Variants in DPPA4 observed in about 807,000 individuals in gnomAD.
The protein encoded by DPPA4 is developmental pluripotency associated 4.
Under a neutral mutation model 33.7 loss-of-function variants are expected in DPPA4, and 22 were observed. The observed-to-expected ratio is 0.65, with a 90% confidence interval of 0.47 to 0.93. The LOEUF (loss-of-function observed/expected upper bound fraction) is 0.93, where lower values mean the gene tolerates loss of function less well. DPPA4 is among the 40% of genes least tolerant of loss of function. The probability of loss-of-function intolerance (pLI) is 0.00; values close to 1 mark genes in which losing one functional copy is unlikely to be tolerated. For missense variants in DPPA4, 340 were observed against 358.6 expected, an observed-to-expected ratio of 0.95 and a Z score of 0.42; for synonymous variants, 156 against 132.3, an observed-to-expected ratio of 1.18 and a Z score of -1.23.
At chr3:109,329,138 A>G in intron 5 of DPPA4, 50 bp from the exon 6 acceptor site, 1 of 1,539,260 alleles carries the variant, frequency 6.5e-7, no homozygotes, top group South Asian at 1.1e-5. Context: ...AGGATGACAT[A>G]CTGATGTAAG....
intron 2 of DPPA4, among the ~76,000 whole-genome samples, chr3:109,332,544 GGCATCGGAGGTT>G (rs1442076948): frequency 1.3e-5 from 2 of 152,098 alleles, no homozygotes. Flanking sequence ...TCCAGGTGGT[GGCATCGGAGGTT>G]GCACTTCCAT....
chr3:109,332,107 T>TGCC, intron 2 of DPPA4, 76 bp from the exon 3 acceptor site: 1 of 1,354,792 alleles, frequency 7.4e-7, no homozygotes. Context: ...AAAATCACTT[T>TGCC]TTTTTTCTTT....
chr3:109,331,884 C>T lies in DPPA4; in HGVS notation c.326G>A (p.Ser109Asn), dbSNP rs1708087652. The T allele has an allele frequency of 1.9e-6, 3 of 1,614,114 alleles. No individual in the cohort carries two copies. Among genetic ancestry groups the T allele is most frequent in the Non-Finnish European group, 2.5e-6 (3 of 1,180,022 alleles). The change falls in exon 3 of 7, where the codon AGC becomes AAC. Residue 109 changes from serine to asparagine, a missense_variant. By Grantham distance (46) the Ser-to-Asn change is conservative (BLOSUM62 1). Coordinates refer to ENST00000335658, the MANE Select transcript of DPPA4 (RefSeq NM_018189.4). ...CTGGGACCTCACCTGGCCTTTGGAG[C>T]TCAGCTTCAATTGTTGGCACCAGGC... ...LRAWCQQLKL[S>N]SKGQKLDAYK...
chr3:109,335,351 T>TC lies in DPPA4; in HGVS notation c.55-1359dup, dbSNP rs573319863. ...TGTCTCCCCCCACTGATCTCAATCT[T>TC]CTAGCCTCAAGCAATCTTCCCGCCT... On this transcript the variant is annotated intron_variant, in intron 1 of 6. Transcript: ENST00000335658. Among the ~76,000 whole-genome samples the TC allele has an allele frequency of 1.4e-4, 21 of 152,204 alleles. No individual in the cohort carries two copies. In the South Asian group the frequency reaches 2.7e-3, roughly 20 times the overall value.
chr3:109,337,579 G>T (rs1708241251), upstream of DPPA4: 1 of 1,478,014 alleles, frequency 6.8e-7, no homozygotes, highest in East Asian at 2.3e-5. Context: ...ACTTCCTGCC[G>T]CCCGAAGACC....
At chr3:109,332,566 T>G (rs1440393064) in intron 2 of DPPA4, among the ~76,000 whole-genome samples, 1 of 152,112 alleles carries the variant, frequency 6.6e-6, no homozygotes, top group Non-Finnish European at 1.5e-5. Flanking sequence ...TGCACTTCCA[T>G]CCCAGGGGAA....
At chr3:109,338,658 T>A (rs774729491), upstream of DPPA4, among the ~76,000 whole-genome samples, 2 of 152,100 alleles carry the variant, frequency 1.3e-5, no homozygotes, top group African/African-American at 4.8e-5. Flanking sequence ...AAAAAGTAAG[T>A]AAACGGAGCC....
chr3:109,337,607 A>G (rs963814463), upstream of DPPA4: 46 of 1,124,634 alleles, frequency 4.1e-5, 1 homozygote, highest in South Asian at 4.1e-4. Context: ...TCTCCACCTC[A>G]CCTCTTCTTT....
rs1423049756 is a variant in DPPA4 at position 109,337,470 on chromosome 3, G to A, written c.48C>T (p.Gly16=). The A allele has an allele frequency of 8.1e-6, 13 of 1,613,968 alleles. No homozygotes were observed. Among genetic ancestry groups the A allele is most frequent in the Non-Finnish European group, 1.0e-5 (12 of 1,179,906 alleles). Residue 16 remains glycine, a synonymous_variant, in exon 1 of 7, where the codon GGC becomes GGT. Transcript: ENST00000335658. ...CCACTAAAACTGTACTGACCTCCTT[G>A]CCTTTTGCCTTCTCCATACTTGTAG... ...ASSTSMEKAK[G]KEWTSTEKSR... is the part of the protein sequence containing the mutation.
intron 2 of DPPA4, chr3:109,332,253 C>A (rs569255378): frequency 3.2e-6 from 1 of 317,338 alleles, no homozygotes; most frequent in Admixed American, 4.4e-5. Context: ...AGACGCCCAC[C>A]ACCACGCCCG....
intron 1 of DPPA4, 105 bp from the exon 2 acceptor site, chr3:109,334,098 A>G: frequency 8.1e-7 from 1 of 1,239,382 alleles, no homozygotes; most frequent in Non-Finnish European, 1.1e-6. Flanking sequence ...CAGTTACTGG[A>G]CTCCACTGGC....
rs1707972441 is a variant in DPPA4, at chr3:109,327,888, G to A, written c.*100C>T. 5 of 873,240 alleles carry A rather than the reference G, an allele frequency of 5.7e-6. No individual in the cohort carries two copies. The Admixed American group carries it at 7.4e-5, about 13-fold the overall frequency. 54.1% of individuals were successfully genotyped at this position (873,240 alleles called of 1,614,324 possible). On this transcript the variant is annotated 3_prime_UTR_variant, in exon 7 of 7. Coordinates refer to ENST00000335658, the MANE Select transcript of DPPA4 (RefSeq NM_018189.4). ...ACCAGTCTGCATGGCCCATAAACAG[G>A]TGCAGAGGACCAGAGTTCACCTGTC...
At position 109,329,078 on chromosome 3, in the gene DPPA4, C is replaced by T. The variant is rs1206249053; in HGVS notation, c.690G>A (p.Trp230Ter). Reference sequence around the variant, plus strand: ...GGAGACTTTTCCCATGGACCACACACCACCTGACACCTGGCAATGGCAAAG... The same window carrying T: ...GGAGACTTTTCCCATGGACCACACATCACCTGACACCTGGCAATGGCAAAG... ...ESPQEASGVR[W>*]CVVHGKSLPA... is the part of the protein sequence containing the mutation. The change falls in exon 6 of 7, where the codon TGG becomes TGA. Residue 230 changes from tryptophan (W) to a stop codon, truncating the protein, a stop_gained. Coordinates refer to ENST00000335658, the MANE Select transcript of DPPA4 (RefSeq NM_018189.4). LOFTEE classifies it high-confidence loss of function. 2 of 1,614,064 alleles carry T rather than the reference C, an allele frequency of 1.2e-6. No individual in the cohort carries two copies. Among genetic ancestry groups the T allele is most frequent in the Non-Finnish European group, 1.7e-6 (2 of 1,180,014 alleles).
chr3:109,337,493 T>G lies in DPPA4; in HGVS notation c.25A>C (p.Thr9Pro). The change falls in exon 1 of 7, where the codon ACA (threonine) becomes CCA (proline). Residue 9 changes from threonine (T) to proline (P), a missense_variant. Transcript: ENST00000335658. ...TTGCCTTTTGCCTTCTCCATACTTGTAGAAGAAGCGGAGCCTCGCAACATG... is the reference window on the plus strand; with the variant it reads ...TTGCCTTTTGCCTTCTCCATACTTGGAGAAGAAGCGGAGCCTCGCAACATG... MLRGSASS[T>P]SMEKAKGKEW... 1.2e-6 allele frequency: 2 copies of G among 1,614,134 alleles called. No individual in the cohort carries two copies. Among genetic ancestry groups the G allele is most frequent in the South Asian group, 1.1e-5 (1 of 91,080 alleles).
At chr3:109,334,071 C>T in intron 1 of DPPA4, 78 bp from the exon 2 acceptor site, 1 of 1,540,044 alleles carries the variant, frequency 6.5e-7, no homozygotes, top group Non-Finnish European at 8.8e-7. Flanking sequence ...AGATAACTCA[C>T]TTCTAAGGCA....
chr3:109,338,139 G>A (rs1185924584), upstream of DPPA4, among the ~76,000 whole-genome samples: 1 of 152,132 alleles, frequency 6.6e-6, no homozygotes, highest in Non-Finnish European at 1.5e-5. Flanking sequence ...ATTTTGACCT[G>A]GCTGGTCTCG....
chr3:109,328,039 A>C lies in DPPA4; in HGVS notation c.879-15T>G. ...AGACCTTGTTCCTATAAAGCAAATA[A>C]AGTATTTGTTTTTAAAAAGAATGAA... On this transcript the variant is annotated splice_polypyrimidine_tract_variant and intron_variant, in intron 6 of 6. Coordinates refer to ENST00000335658, the MANE Select transcript of DPPA4 (RefSeq NM_018189.4). 1 of 1,445,944 alleles carries C rather than the reference A, an allele frequency of 6.9e-7. No individual in the cohort carries two copies. Among genetic ancestry groups the C allele is most frequent in the Non-Finnish European group, 9.7e-7 (1 of 1,031,756 alleles). The allele number at this position is 1,445,944 out of a possible 1,614,324, so 89.6% of individuals were successfully genotyped here.
intron 4 of DPPA4, among the ~76,000 whole-genome samples, chr3:109,331,283 A>G (rs1301728596): frequency 1.5e-5 from 2 of 135,576 alleles, no homozygotes; most frequent in African/African-American, 2.7e-5. Context: ...AAAAAAAAAA[A>G]AGAAAGAAAA....
chr3:109,332,111 T>G, intron 2 of DPPA4, 80 bp from the exon 3 acceptor site: 1 of 1,364,240 alleles, frequency 7.3e-7, no homozygotes, highest in African/African-American at 1.5e-5. Context: ...TCACTTTTTT[T>G]TTCTTTTTTG....
Sources: allele counts gnomAD v4.1 joint callset (sites outside exome capture counted in the v4.1 genomes callset), GRCh38; gene constraint gnomAD v4.1.1; transcripts MANE v1.5; gene names NCBI Gene and HGNC (gene_info 2026-07-23, HGNC 2026-07-21).